Variants in TOB2 observed in about 807,000 individuals in gnomAD.
TOB2 encodes protein Tob2.
A neutral mutation model predicts 17.3 loss-of-function variants in TOB2; 3 were observed. That is an observed-to-expected ratio of 0.17 (90% CI 0.08 to 0.45). TOB2 has a LOEUF of 0.45. Ranked by LOEUF, TOB2 falls within the 20% of genes least tolerant of loss-of-function variation. The pLI, the probability that TOB2 is intolerant of heterozygous loss-of-function variation, is 0.99. For missense variants in TOB2, 407 were observed against 445.7 expected (o/e 0.91, Z 0.78); for synonymous variants, 163 against 185.6 (o/e 0.88, Z 0.99).
rs761349289 is a variant in TOB2 at position 41,437,215 on chromosome 22, C to G, written c.131G>C (p.Trp44Ser). The G allele has an allele frequency of 6.2e-7, 1 of 1,614,144 alleles. No homozygotes were observed. The highest frequency in any genetic ancestry group is 8.5e-7 in the Non-Finnish European group (1 of 1,180,022). Residue 44 changes from tryptophan (W) to serine (S), a missense_variant, in exon 2 of 2, where the codon TGG (tryptophan) becomes TCG (serine). Coordinates refer to ENST00000327492, the MANE Select transcript of TOB2 (RefSeq NM_016272.4). ...GCCTTTCAGTGGCTTCTCAGGGTAC[C>G]AGTGGCCTTCATATTTCTTTTTCAA... is the stretch of plus-strand genomic sequence containing the variant. ...RLLKKKYEGH[W>S]YPEKPLKGSG...
intron 1 of TOB2, among the ~76,000 whole-genome samples, chr22:41,444,065 A>T (rs2037652057): frequency 6.6e-6 from 1 of 152,358 alleles, no homozygotes; most frequent in African/African-American, 2.4e-5. Context: ...ACAATGACGG[A>T]CTACAGGACT....
intron 1 of TOB2, among the ~76,000 whole-genome samples, chr22:41,444,216 G>A (rs1385819478): frequency 2.0e-5 from 3 of 152,204 alleles, no homozygotes; most frequent in African/African-American, 7.2e-5. Flanking sequence ...GCTGGTCCCA[G>A]AGGCAGCGGC....
intron 1 of TOB2, among the ~76,000 whole-genome samples, chr22:41,439,435 G>T (rs550091020): frequency 6.6e-6 from 1 of 152,140 alleles, no homozygotes; most frequent in South Asian, 2.1e-4. Flanking sequence ...TAATTCTCAG[G>T]CCTGGGCCCA....
intron 1 of TOB2, among the ~76,000 whole-genome samples, chr22:41,445,973 A>C (rs1023735740): frequency 6.6e-6 from 1 of 151,860 alleles, no homozygotes; most frequent in Non-Finnish European, 1.5e-5. Context: ...AAGAAGCAGA[A>C]AAACAAGGCC....
chr22:41,436,702 T>C lies in TOB2; in HGVS notation c.644A>G (p.Gln215Arg), dbSNP rs748121069. ...SSGAGGQQPP[Q>R]QPRMARSPTN... ...GGGTGAGCGGGCCATGCGAGGCTGC[T>C]GTGGTGGCTGCTGGCCACCCGCCCC... The change falls in exon 2 of 2, where the codon CAG becomes CGG. Residue 215 changes from glutamine to arginine, a missense_variant. Coordinates refer to ENST00000327492, the MANE Select transcript of TOB2 (RefSeq NM_016272.4). This position sits in a 1 kb window ranked among gnomAD's most constrained non-coding sequence, Gnocchi z 4.8. 1 of 1,613,230 alleles carries C rather than the reference T, an allele frequency of 6.2e-7. No homozygotes were observed. The highest frequency in any genetic ancestry group is 1.1e-5 in the South Asian group (1 of 91,048).
Position 41,436,349 on chromosome 22 carries a change from G to A in TOB2, c.997C>T (p.Pro333Ser), listed in dbSNP as rs900049109. 11 of 1,602,270 alleles carry A rather than the reference G, an allele frequency of 6.9e-6. No individual in the cohort carries two copies. Among genetic ancestry groups the A allele is most frequent in the South Asian group, 6.7e-5 (6 of 88,984 alleles). Residue 333 changes from proline to serine, a missense_variant, in exon 2 of 2, where the codon CCC (proline) becomes TCC (serine). Physicochemically the swap from Pro to Ser is moderately conservative, Grantham distance 74 (BLOSUM62 -1). Transcript: ENST00000327492. The surrounding 1 kb of genome is among the most constrained non-coding windows in gnomAD (Gnocchi z 4.8). The stretch of plus-strand genomic sequence containing the variant: ...ACCACGGGCTGGAACTGCTGGCTGG[G>A]ATACTGCATGGTGTTCAGGTTGTAG... ...LSYNLNTMQY[P>S]SQQFQPVVLA...
At chr22:41,444,129 C>T (rs2037653191) in intron 1 of TOB2, among the ~76,000 whole-genome samples, 1 of 152,176 alleles carries the variant, frequency 6.6e-6, no homozygotes, top group East Asian at 1.9e-4. Flanking sequence ...ATGCGAGTGC[C>T]CTGCCGCTGT....
At position 41,437,176 on chromosome 22, in the gene TOB2, C is replaced by G. The variant is rs2037563473; in HGVS notation, c.170G>C (p.Cys57Ser). The G allele has an allele frequency of 2.5e-6, 4 of 1,614,194 alleles. No homozygotes were observed. The highest frequency in any genetic ancestry group is 3.4e-6 in the Non-Finnish European group (4 of 1,180,038). ...EKPLKGSGFR[C>S]VHIGEMVDPV... is the part of the protein sequence containing the mutation. ...GTCCACCATCTCCCCAATGTGAACA[C>G]AGCGGAAGCCAGAGCCTTTCAGTGG... is the stretch of plus-strand genomic sequence containing the variant. Residue 57 changes from cysteine to serine, a missense_variant, in exon 2 of 2, where the codon TGT (cysteine) becomes TCT (serine). Physicochemically the swap from Cys to Ser is moderately radical, Grantham distance 112 (BLOSUM62 -1). Coordinates refer to ENST00000327492, the MANE Select transcript of TOB2 (RefSeq NM_016272.4).
At position 41,437,694 on chromosome 22, in the gene TOB2, G is replaced by A. The variant is rs533766060; in HGVS notation, c.-62-287C>T. 6.6e-5 allele frequency among the ~76,000 whole-genome samples: 10 copies of A among 152,274 alleles called. No individual in the cohort carries two copies. In the South Asian group the frequency reaches 1.9e-3, roughly 28 times the overall value. On this transcript the variant is annotated intron_variant, in intron 1 of 1. Transcript: ENST00000327492. ...TGGCCGGGCGCGGTGGCTGATGCCT[G>A]TAAGCCCAGCACTTTGGGAGGCTGA...
In TOB2 at chr22:41,437,237, T is replaced by C; in HGVS notation, c.109A>G (p.Lys37Glu). 1 of 1,614,038 alleles carries C rather than the reference T, an allele frequency of 6.2e-7. No individual in the cohort carries two copies. Among genetic ancestry groups the C allele is most frequent in the East Asian group, 2.2e-5 (1 of 44,874 alleles). Residue 37 changes from lysine (K) to glutamate (E), a missense_variant, in exon 2 of 2, where the codon AAA (lysine) becomes GAA (glutamate). Lys to Glu is a moderately conservative substitution (Grantham distance 56). Transcript: ENST00000327492. ...TACCAGTGGCCTTCATATTTCTTTTTCAAAAGCCGCTCTAGCTCCTCCCCA... is the reference window on the plus strand; with the variant it reads ...TACCAGTGGCCTTCATATTTCTTTTCCAAAAGCCGCTCTAGCTCCTCCCCA... ...LFGEELERLL[K>E]KKYEGHWYPE...
Position 41,438,630 on chromosome 22 carries a change from CAAAAAAAAAAAAAAAA to C in TOB2, c.-62-1239_-62-1224del, listed in dbSNP as rs749494672. Among the ~76,000 whole-genome samples the C allele has an allele frequency of 2.9e-3, 37 of 12,696 alleles. 1 individual carries two copies. The South Asian group carries it at 0.1, about 36-fold the overall frequency. 8.3% of individuals were successfully genotyped at this position (12,696 alleles called of 152,430 possible). On this transcript the variant is annotated intron_variant, in intron 1 of 1. Coordinates refer to ENST00000327492, the MANE Select transcript of TOB2 (RefSeq NM_016272.4). ...GGGCAACAAGAGCGAAACTCTGTCT[CAAAAAAAAAAAAAAAA>C]AAAAAAAAAAAAAAAGGAATAAGAC...
rs191450903 is a variant in TOB2, at chr22:41,437,781, C to A, written c.-62-374G>T. On this transcript the variant is annotated intron_variant, in intron 1 of 1. Coordinates refer to ENST00000327492, the MANE Select transcript of TOB2 (RefSeq NM_016272.4). ...CCTGGCCAACATGATGAAGCCCCAT[C>A]TCTACTAAAAATACAAAAATTAGCT... is the stretch of plus-strand genomic sequence containing the variant. Among the ~76,000 whole-genome samples the A allele has an allele frequency of 8.4e-3, 1,270 of 151,766 alleles. 20 individuals carry two copies. Among genetic ancestry groups the A allele is most frequent in the African/African-American group, 0.029 (1,212 of 41,370 alleles).
intron 1 of TOB2, among the ~76,000 whole-genome samples, chr22:41,438,647 A>AAAAAAAAAAAAAAAAAAAAAAG (rs1486730702): frequency 1.4e-5 from 2 of 143,910 alleles, no homozygotes; most frequent in Non-Finnish European, 3.1e-5. Context: ...AAAAAAAAAA[A>AAAAAAAAAAAAAAAAAAAAAAG]AAAAAAAAAA....
At chr22:41,442,594 G>C (rs1323237438) in intron 1 of TOB2, among the ~76,000 whole-genome samples, 1 of 152,226 alleles carries the variant, frequency 6.6e-6, no homozygotes, top group Non-Finnish European at 1.5e-5. Context: ...GGCTGGACCA[G>C]ATGGCTGTGG....
At position 41,433,745 on chromosome 22, in the gene TOB2, T is replaced by G. The variant is rs1203636430; in HGVS notation, c.*2566A>C. 2.0e-6 allele frequency: 1 copy of G among 504,346 alleles called. No individual in the cohort carries two copies. Among genetic ancestry groups the G allele is most frequent in the African/African-American group, 2.0e-5 (1 of 49,970 alleles). The allele number at this position is 504,346 out of a possible 1,614,324, so 31.2% of individuals were successfully genotyped here. A position where few individuals can be genotyped will look rare whatever the true frequency, so the allele number is the denominator to read the frequency against. On this transcript the variant is annotated 3_prime_UTR_variant, in exon 2 of 2. Coordinates refer to ENST00000327492, the MANE Select transcript of TOB2 (RefSeq NM_016272.4). ...TGCCTCAATGCCCCCTTCCCATCCCTAGGGAGAAAACTAGAGAATCTATAA... is the reference window on the plus strand; with the variant it reads ...TGCCTCAATGCCCCCTTCCCATCCCGAGGGAGAAAACTAGAGAATCTATAA...
intron 1 of TOB2, 36 bp downstream of exon 1, chr22:41,446,343 C>T: frequency 6.5e-6 from 1 of 153,068 alleles, no homozygotes; most frequent in East Asian, 1.9e-4. Flanking sequence ...GGTCTCGGGG[C>T]GGGCCCCCCG....
At chr22:41,444,247 T>A (rs2037655024) in intron 1 of TOB2, among the ~76,000 whole-genome samples, 1 of 152,154 alleles carries the variant, frequency 6.6e-6, no homozygotes, top group African/African-American at 2.4e-5. Context: ...GGGTGTGTAT[T>A]GAAAGGCTTC....
At chr22:41,440,000 C>T (rs935377494) in intron 1 of TOB2, among the ~76,000 whole-genome samples, 7 of 152,156 alleles carry the variant, frequency 4.6e-5, no homozygotes, top group Admixed American at 3.9e-4. Flanking sequence ...TATGCCTCTC[C>T]CAAACCCTCC....
Position 41,436,481 on chromosome 22 carries a change from T to C in TOB2, c.865A>G (p.Ser289Gly), listed in dbSNP as rs143983074. 4.4e-3 allele frequency: 7,117 copies of C among 1,614,126 alleles called. 27 individuals carry two copies. Among genetic ancestry groups the C allele is most frequent in the Non-Finnish European group, 5.6e-3 (6,612 of 1,179,990 alleles). Residue 289 changes from serine (S) to glycine (G), a missense_variant, in exon 2 of 2, where the codon AGT becomes GGT. Coordinates refer to ENST00000327492, the MANE Select transcript of TOB2 (RefSeq NM_016272.4). This position sits in a 1 kb window ranked among gnomAD's most constrained non-coding sequence, Gnocchi z 4.8. ...CTGCTGTTGCAGGTGCCAGCCCCAC[T>C]GCCTCCAAACGGGCCTGGGGTGCCG... The part of the protein sequence containing the change: ...GSGTPGPFGG[S>G]GAGTCNSSSF...
Sources: allele counts gnomAD v4.1 joint callset (sites outside exome capture counted in the v4.1 genomes callset), GRCh38; gene constraint gnomAD v4.1.1; non-coding constraint Gnocchi (gnomAD v3.1); transcripts MANE v1.5; gene names NCBI Gene and HGNC (gene_info 2026-07-23, HGNC 2026-07-21).